Variants in OSBPL10 observed in about 807,000 individuals in gnomAD.
OSBPL10 encodes the protein oxysterol binding protein like 10.
Under a neutral mutation model 81.7 loss-of-function variants are expected in OSBPL10, and 49 were observed. That is an observed-to-expected ratio of 0.60 (90% CI 0.48 to 0.76). The LOEUF (loss-of-function observed/expected upper bound fraction) is 0.76. Among genes scored for constraint, OSBPL10 ranks in the 30% least tolerant of loss-of-function variants. The pLI is 0.00. For missense variants in OSBPL10, 923 were observed against 987.8 expected, an observed-to-expected ratio of 0.93 and a Z score of 0.88; for synonymous variants, 419 against 383.6, an observed-to-expected ratio of 1.09 and a Z score of -1.08.
At chr3:31,813,310 G>T (rs1213009193) in intron 4 of OSBPL10, among the ~76,000 whole-genome samples, 1 of 152,170 alleles carries the variant, frequency 6.6e-6, no homozygotes, top group Admixed American at 6.5e-5. Context: ...AGGTCAAATG[G>T]CTTGCCCAAG....
chr3:31,969,736 T>A (rs539106259), intron 1 of OSBPL10, among the ~76,000 whole-genome samples: 1 of 152,166 alleles, frequency 6.6e-6, no homozygotes, highest in East Asian at 1.9e-4. Flanking sequence ...GCACCTGTAA[T>A]CCCAGCTACT....
intron 4 of OSBPL10, among the ~76,000 whole-genome samples, chr3:31,757,624 C>G (rs1697927300): frequency 6.6e-6 from 1 of 152,140 alleles, no homozygotes; most frequent in Non-Finnish European, 1.5e-5. Context: ...CTTTCCACAC[C>G]AATAAACATA....
intron 3 of OSBPL10, among the ~76,000 whole-genome samples, chr3:31,843,661 C>CTATAGGT (rs1700558867): frequency 6.6e-6 from 1 of 152,186 alleles, no homozygotes; most frequent in Non-Finnish European, 1.5e-5. Context: ...TTTATTCTCT[C>CTATAGGT]TATAGGTTAA....
chr3:32,025,122 G>T (rs1699392232), intron 2 of OSBPL10, among the ~76,000 whole-genome samples: 1 of 152,086 alleles, frequency 6.6e-6, no homozygotes, highest in South Asian at 2.1e-4. Context: ...TATGATATTA[G>T]CCCTAGGTTA....
At chr3:31,930,931 G>A (rs547499707) in intron 1 of OSBPL10, among the ~76,000 whole-genome samples, 14 of 148,170 alleles carry the variant, frequency 9.4e-5, no homozygotes, top group African/African-American at 3.5e-4. Flanking sequence ...GGAGAATGGC[G>A]TGAACCCAGG....
chr3:32,070,179 G>T lies in OSBPL10; in HGVS notation n.185+7217C>A, dbSNP rs896268223. On this transcript the variant is annotated intron_variant and non_coding_transcript_variant, in intron 1 of 3. Coordinates refer to the OSBPL10 transcript ENST00000479173. ...AGTCCGTCCCCTATTTAATTGATAT[G>T]GGGGCTACCCACTCCACATTACCTT... 4.6e-5 allele frequency among the ~76,000 whole-genome samples: 7 copies of T among 152,212 alleles called. No homozygotes were observed. In the East Asian group the frequency reaches 1.3e-3, roughly 29 times the overall value.
intron 7 of OSBPL10, among the ~76,000 whole-genome samples, chr3:31,686,091 T>C (rs1700785692): frequency 6.6e-6 from 1 of 150,468 alleles, no homozygotes. Flanking sequence ...GCTTCCCACA[T>C]GATCTCTGCA....
chr3:31,977,917 T>C (rs1338131133), intron 1 of OSBPL10, among the ~76,000 whole-genome samples: 1 of 152,216 alleles, frequency 6.6e-6, no homozygotes, highest in Non-Finnish European at 1.5e-5. Flanking sequence ...CTGAACTTAC[T>C]CTCCTGAGTT....
chr3:31,790,228 CA>C (rs1293077293), intron 4 of OSBPL10, among the ~76,000 whole-genome samples: 2 of 152,064 alleles, frequency 1.3e-5, no homozygotes, highest in East Asian at 3.9e-4. Flanking sequence ...AGCAAGTTGG[CA>C]AAAATGTTTA....
intron 2 of OSBPL10, among the ~76,000 whole-genome samples, chr3:32,044,276 C>T (rs941795163): frequency 5.3e-5 from 8 of 151,352 alleles, no homozygotes; most frequent in Middle Eastern, 3.4e-3. Context: ...ATCTATCTTT[C>T]GTAATATAAG....
At chr3:32,069,182 T>G (rs1044502852) in intron 1 of OSBPL10, among the ~76,000 whole-genome samples, 1 of 152,242 alleles carries the variant, frequency 6.6e-6, no homozygotes, top group East Asian at 1.9e-4. Flanking sequence ...ATACAGGAAT[T>G]CCGATATCTA....
At chr3:32,052,670 G>A (rs1219397393) in intron 1 of OSBPL10, among the ~76,000 whole-genome samples, 1 of 152,108 alleles carries the variant, frequency 6.6e-6, no homozygotes, top group Admixed American at 6.5e-5. Flanking sequence ...GGATAAAGCT[G>A]GAAACCATCA....
intron 4 of OSBPL10, among the ~76,000 whole-genome samples, chr3:31,822,587 G>C (rs181813629): frequency 6.6e-6 from 1 of 151,928 alleles, no homozygotes; most frequent in South Asian, 2.1e-4. Flanking sequence ...AGTGTGAGCC[G>C]CGTTAAAAAC....
At chr3:31,663,602 A>G (rs1700117390) in intron 11 of OSBPL10, 1 of 1,027,194 alleles carries the variant, frequency 9.7e-7, no homozygotes, top group Non-Finnish European at 1.2e-6. Context: ...CTTCCCCTGC[A>G]TGACTAGCCC....
At chr3:32,014,931 C>T (rs1431715084) in intron 2 of OSBPL10, among the ~76,000 whole-genome samples, 1 of 152,106 alleles carries the variant, frequency 6.6e-6, no homozygotes, top group Non-Finnish European at 1.5e-5. Context: ...AACCACTGCT[C>T]AAGGAAATAA....
chr3:31,817,934 G>A (rs917764965), intron 4 of OSBPL10, among the ~76,000 whole-genome samples: 4 of 152,152 alleles, frequency 2.6e-5, no homozygotes, highest in Admixed American at 2.6e-4. Context: ...GCAAAACCAT[G>A]TCTCTACAAA....
intron 3 of OSBPL10, 82 bp from the exon 4 acceptor site, chr3:31,830,313 T>C: frequency 7.4e-7 from 1 of 1,355,386 alleles, no homozygotes; most frequent in East Asian, 2.4e-5. Flanking sequence ...ATTTTGGACC[T>C]CTTCATCTTT....
chr3:31,797,948 A>G, intron 4 of OSBPL10: 1 of 325,000 alleles, frequency 3.1e-6, no homozygotes, highest in Non-Finnish European at 6.2e-6. Flanking sequence ...TTGTTAACTG[A>G]AACAATAATA....
chr3:31,982,650 T>TAA (rs34935064), upstream of OSBPL10, among the ~76,000 whole-genome samples: 2,857 of 147,006 alleles, frequency 0.019, 87 homozygotes, highest in East Asian at 0.14. Flanking sequence ...TACATAGTGT[T>TAA]AAAAAAAAAA....
Sources: allele counts gnomAD v4.1 joint callset (sites outside exome capture counted in the v4.1 genomes callset), GRCh38; gene constraint gnomAD v4.1.1; transcripts MANE v1.5; gene names NCBI Gene and HGNC (gene_info 2026-07-23, HGNC 2026-07-21).